The following GABRB1 variants were observed in gnomAD, a reference collection of about 807,000 sequenced individuals.
GABRB1 encodes gamma-aminobutyric acid receptor subunit beta-1.
A neutral mutation model predicts 51.6 loss-of-function variants in GABRB1; 17 were observed. The observed-to-expected ratio is 0.33, with a 90% CI of 0.23 to 0.49. The LOEUF is 0.49. Among genes scored for constraint, GABRB1 ranks in the 20% least tolerant of loss-of-function variants. The pLI, the probability that GABRB1 is intolerant of heterozygous loss-of-function variation, is 0.99. For missense variants in GABRB1, 410 were observed against 600.6 expected (o/e 0.68, Z 3.32); for synonymous variants, 247 against 218.9 (o/e 1.13, Z -1.14).
At chr4:47,175,204 C>A (rs1031897916) in intron 4 of GABRB1, among the ~76,000 whole-genome samples, 7 of 141,996 alleles carry the variant, frequency 4.9e-5, no homozygotes, top group Non-Finnish European at 7.7e-5. Flanking sequence ...CTCTTTCTTT[C>A]TTTCTTTCTC....
chr4:47,396,334 C>T (rs1728180401), intron 5 of GABRB1, among the ~76,000 whole-genome samples: 1 of 152,180 alleles, frequency 6.6e-6, no homozygotes. Context: ...ATTCAATTAT[C>T]TCCCACCAGG....
chr4:47,114,448 C>T (rs1187730278), intron 3 of GABRB1, among the ~76,000 whole-genome samples: 1 of 152,178 alleles, frequency 6.6e-6, no homozygotes, highest in Non-Finnish European at 1.5e-5. Flanking sequence ...TGTTCATCCT[C>T]ATCTCCACCT....
Position 47,019,841 on chromosome 4 carries a change from G to A in GABRB1, c.-19-12073G>A, listed in dbSNP as rs1387643692. Among the ~76,000 whole-genome samples the A allele has an allele frequency of 2.7e-5, 4 of 147,766 alleles. No homozygotes were observed. The South Asian group carries it at 8.5e-4, about 31-fold the overall frequency. On this transcript the variant is annotated intron_variant, in intron 1 of 3. Transcript: ENST00000513567. ...CCACCTCAACCTCTCTAGTAGATAGGAAAACAGGCACATGCCACCACCCTG... is the reference window on the plus strand; with the variant it reads ...CCACCTCAACCTCTCTAGTAGATAGAAAAACAGGCACATGCCACCACCCTG...
intron 3 of GABRB1, among the ~76,000 whole-genome samples, chr4:47,064,641 CA>C (rs33963952): frequency 0.026 from 1,538 of 58,216 alleles, 7 homozygotes; most frequent in East Asian, 0.029. Flanking sequence ...GACTCCATCT[CA>C]AAAAAAAAAA....
At position 47,174,778 on chromosome 4, in the gene GABRB1, T is replaced by C. The variant is rs150572047; in HGVS notation, c.461+13309T>C. 2.7e-3 allele frequency among the ~76,000 whole-genome samples: 409 copies of C among 152,222 alleles called. 2 individuals are homozygous for C. The highest frequency in any genetic ancestry group is 9.3e-3 in the African/African-American group (385 of 41,556). On this transcript the variant is annotated intron_variant, in intron 4 of 8. Coordinates refer to ENST00000295454, the MANE Select transcript of GABRB1 (RefSeq NM_000812.4). ...TGTCATTCTTAGGATTTTTGCTGGG[T>C]AGGGTATTTCAAAGGCTCCTGTTTG... is the stretch of plus-strand genomic sequence containing the variant.
chr4:47,340,722 G>A (rs1725855642), intron 5 of GABRB1, among the ~76,000 whole-genome samples: 1 of 152,068 alleles, frequency 6.6e-6, no homozygotes, highest in Non-Finnish European at 1.5e-5. Context: ...ACATAAAAAT[G>A]TTCTGTAAAC....
chr4:47,085,721 T>C (rs1728028968), intron 3 of GABRB1, among the ~76,000 whole-genome samples: 1 of 152,368 alleles, frequency 6.6e-6, no homozygotes, highest in East Asian at 1.9e-4. Flanking sequence ...GGATTGACAA[T>C]GCTTTTGCTG....
At chr4:47,158,581 G>T (rs1026152806) in intron 3 of GABRB1, among the ~76,000 whole-genome samples, 1 of 152,022 alleles carries the variant, frequency 6.6e-6, no homozygotes, top group Admixed American at 6.6e-5. Flanking sequence ...ATGAGGAATC[G>T]GTATAAGCTG....
At chr4:47,325,654 A>G (rs375253120) in intron 5 of GABRB1, among the ~76,000 whole-genome samples, 15 of 152,128 alleles carry the variant, frequency 9.9e-5, no homozygotes, top group East Asian at 9.7e-4. Flanking sequence ...CATCATCATA[A>G]CTTTCTCGTT....
intron 5 of GABRB1, among the ~76,000 whole-genome samples, chr4:47,341,621 A>G (rs1725902670): frequency 1.3e-5 from 2 of 152,196 alleles, no homozygotes; most frequent in African/African-American, 2.4e-5. Context: ...AAAGAACTAG[A>G]ATTAGCACTT....
chr4:47,416,231 C>T (rs1280567985), intron 8 of GABRB1, among the ~76,000 whole-genome samples: 1 of 152,098 alleles, frequency 6.6e-6, no homozygotes, highest in African/African-American at 2.4e-5. Context: ...GCCCTGCAGA[C>T]TTAGGAGCAT....
intron 8 of GABRB1, among the ~76,000 whole-genome samples, chr4:47,425,451 A>G (rs1729239962): frequency 6.6e-6 from 1 of 151,022 alleles, no homozygotes; most frequent in Admixed American, 6.6e-5. Flanking sequence ...GATGATAGCT[A>G]GAAAGCTAGC....
chr4:47,381,769 C>T (rs1010640948), intron 5 of GABRB1, among the ~76,000 whole-genome samples: 1 of 152,178 alleles, frequency 6.6e-6, no homozygotes, highest in East Asian at 1.9e-4. Context: ...CCCTTCCCTG[C>T]CCTGAAGTGC....
At chr4:47,004,805 A>G (rs778095280) in intron 1 of GABRB1, among the ~76,000 whole-genome samples, 22 of 152,248 alleles carry the variant, frequency 1.4e-4, no homozygotes, top group Non-Finnish European at 2.5e-4. Context: ...TTGATTTCGT[A>G]TCATCTAGTT....
chr4:47,006,410 T>G (rs1388743200), intron 1 of GABRB1, among the ~76,000 whole-genome samples: 1 of 152,212 alleles, frequency 6.6e-6, no homozygotes, highest in Non-Finnish European at 1.5e-5. Flanking sequence ...TTTTCAAAAC[T>G]TTCCTATAAT....
chr4:47,355,774 C>G (rs999380907), intron 5 of GABRB1, among the ~76,000 whole-genome samples: 1 of 152,168 alleles, frequency 6.6e-6, no homozygotes, highest in African/African-American at 2.4e-5. Flanking sequence ...CTGCTATACA[C>G]TTAAATTGAT....
intron 1 of GABRB1, among the ~76,000 whole-genome samples, chr4:47,010,396 C>G (rs375065810): frequency 5.2e-4 from 79 of 152,180 alleles, no homozygotes; most frequent in South Asian, 8.3e-4. Context: ...AGATGAGAAC[C>G]TGAGGGGTTA....
intron 4 of GABRB1, among the ~76,000 whole-genome samples, chr4:47,285,187 T>C (rs1268139933): frequency 6.6e-6 from 1 of 152,196 alleles, no homozygotes; most frequent in Non-Finnish European, 1.5e-5. Context: ...GAGTTGTAGC[T>C]GACTGGTGTG....
In GABRB1 at chr4:47,260,696, G is replaced by A. The variant is rs1043575481; in HGVS notation, c.462-59431G>A. Among the ~76,000 whole-genome samples the A allele has an allele frequency of 1.2e-4, 18 of 152,194 alleles. 1 individual carries two copies. The East Asian group carries it at 2.1e-3, about 18-fold the overall frequency. On this transcript the variant is annotated intron_variant, in intron 4 of 8. Coordinates refer to ENST00000295454, the MANE Select transcript of GABRB1 (RefSeq NM_000812.4). ...TTGTAGAGTTTCTGCCAAGAGATCCGCTGTTAGTCTGATGGGCTTCGATAC... is the reference window on the plus strand; with the variant it reads ...TTGTAGAGTTTCTGCCAAGAGATCCACTGTTAGTCTGATGGGCTTCGATAC...
Sources: gnomAD v4.1 joint callset for allele counts (sites outside exome capture counted in the v4.1 genomes callset) on GRCh38, gnomAD v4.1.1 for gene constraint, MANE v1.5 for transcripts, NCBI Gene and HGNC (gene_info 2026-07-23, HGNC 2026-07-21) for gene names.